The following FBXL7 variants were observed in gnomAD, a reference collection of about 807,000 sequenced individuals.
The protein encoded by FBXL7 is F-box/LRR-repeat protein 7.
A neutral mutation model predicts 38.3 loss-of-function variants in FBXL7; 12 were observed. That is an observed-to-expected ratio of 0.31 (90% CI 0.20 to 0.51). The LOEUF is 0.51. Among genes scored for constraint, FBXL7 ranks in the 20% least tolerant of loss-of-function variants. The probability of loss-of-function intolerance (pLI) is 0.98; values close to 1 mark genes in which losing one functional copy is unlikely to be tolerated. For synonymous variants in FBXL7, 297 were observed against 300.9 expected (o/e 0.99, Z 0.13); for missense variants, 567 against 676.4 (o/e 0.84, Z 1.79).
chr5:15,919,943 G>A (rs1263270773), intron 2 of FBXL7, among the ~76,000 whole-genome samples: 6 of 152,142 alleles, frequency 3.9e-5, no homozygotes, highest in Non-Finnish European at 7.4e-5. Context: ...GGACCATGGT[G>A]CAGAAAGGAG....
At chr5:15,860,219 T>G (rs1250727045) in intron 2 of FBXL7, among the ~76,000 whole-genome samples, 4 of 152,234 alleles carry the variant, frequency 2.6e-5, no homozygotes, top group African/African-American at 9.6e-5. Flanking sequence ...AAAATTTTAT[T>G]CCTTGTACTT....
intron 2 of FBXL7, among the ~76,000 whole-genome samples, chr5:15,843,986 T>A (rs1408032415): frequency 6.6e-6 from 1 of 152,018 alleles, no homozygotes. Flanking sequence ...TAACTACATC[T>A]CTAGAGAAGT....
At chr5:15,906,456 A>C in intron 2 of FBXL7, among the ~76,000 whole-genome samples, 1 of 98,252 alleles carries the variant, frequency 1.0e-5, no homozygotes, top group East Asian at 2.8e-4. Flanking sequence ...TTTTTTTTTT[A>C]TGTAACATGT....
intron 1 of FBXL7, among the ~76,000 whole-genome samples, chr5:15,561,142 A>G (rs1391435492): frequency 6.6e-6 from 1 of 152,194 alleles, no homozygotes; most frequent in Non-Finnish European, 1.5e-5. Context: ...CAATATTATT[A>G]ACTGTAGTCC....
intron 2 of FBXL7, among the ~76,000 whole-genome samples, chr5:15,890,174 G>C (rs1346030389): frequency 6.6e-6 from 1 of 152,114 alleles, no homozygotes; most frequent in African/African-American, 2.4e-5. Flanking sequence ...CCACACAGCA[G>C]GAGGTGAGCA....
chr5:15,738,425 G>C lies in FBXL7; in HGVS notation c.127+122353G>C, dbSNP rs1435371314. 2.0e-5 allele frequency among the ~76,000 whole-genome samples: 3 copies of C among 152,174 alleles called. No individual in the cohort carries two copies. The East Asian group carries it at 5.8e-4, about 29-fold the overall frequency. ...CAGTGGGTGGTTTCCCAGAGGTTGTGATGTGGTATGTTAGCTTTACTGGAA... is the reference window on the plus strand; with the variant it reads ...CAGTGGGTGGTTTCCCAGAGGTTGTCATGTGGTATGTTAGCTTTACTGGAA... On this transcript the variant is annotated intron_variant, in intron 2 of 3. Coordinates refer to ENST00000504595, the MANE Select transcript of FBXL7 (RefSeq NM_012304.5).
chr5:15,806,973 G>A (rs1349915796), intron 2 of FBXL7, among the ~76,000 whole-genome samples: 1 of 151,554 alleles, frequency 6.6e-6, no homozygotes, highest in Non-Finnish European at 1.5e-5. Flanking sequence ...TTTTTGAGAC[G>A]GAGTTTCGCT....
chr5:15,555,961 G>A (rs573381735), intron 1 of FBXL7, among the ~76,000 whole-genome samples: 2 of 145,434 alleles, frequency 1.4e-5, no homozygotes, highest in African/African-American at 5.1e-5. Flanking sequence ...TCATCTATCT[G>A]TCATCTGTCT....
intron 1 of FBXL7, among the ~76,000 whole-genome samples, chr5:15,605,996 A>G (rs1296661843): frequency 6.6e-6 from 1 of 152,186 alleles, no homozygotes; most frequent in African/African-American, 2.4e-5. Flanking sequence ...ATCACATAAT[A>G]CACCTTAAAT....
chr5:15,522,669 C>T (rs1737133118), intron 1 of FBXL7, among the ~76,000 whole-genome samples: 1 of 152,176 alleles, frequency 6.6e-6, no homozygotes, highest in Admixed American at 6.5e-5. Flanking sequence ...TCAACAAAAG[C>T]AATCTGCTGA....
In FBXL7 at chr5:15,740,325, A is replaced by G. The variant is rs141152589; in HGVS notation, c.127+124253A>G. Among the ~76,000 whole-genome samples the G allele has an allele frequency of 6.4e-3, 981 of 152,294 alleles. 11 individuals carry two copies. The highest frequency in any genetic ancestry group is 0.022 in the African/African-American group (926 of 41,562). On this transcript the variant is annotated intron_variant, in intron 2 of 3. Coordinates refer to ENST00000504595, the MANE Select transcript of FBXL7 (RefSeq NM_012304.5). ...GGTTTCCCCCACTTCCTTTCCTGCA[A>G]GTTATGGATGGTGGGGTCTGCCCTT...
At chr5:15,687,901 G>A (rs1743064204) in intron 2 of FBXL7, among the ~76,000 whole-genome samples, 1 of 152,190 alleles carries the variant, frequency 6.6e-6, no homozygotes, top group Non-Finnish European at 1.5e-5. Context: ...AAGAATTGGA[G>A]CTTTTCGAGG....
intron 2 of FBXL7, among the ~76,000 whole-genome samples, chr5:15,741,339 C>T (rs1255175765): frequency 6.6e-6 from 1 of 152,134 alleles, no homozygotes; most frequent in Non-Finnish European, 1.5e-5. Flanking sequence ...AGATCTACTT[C>T]CGTTGGTGAT....
intron 1 of FBXL7, among the ~76,000 whole-genome samples, chr5:15,575,083 C>T (rs1454499277): frequency 6.6e-6 from 1 of 152,070 alleles, no homozygotes; most frequent in Non-Finnish European, 1.5e-5. Flanking sequence ...GAGTAGAAGT[C>T]AGGGATGATG....
chr5:15,848,930 A>G (rs1739010862), intron 2 of FBXL7, among the ~76,000 whole-genome samples: 1 of 152,196 alleles, frequency 6.6e-6, no homozygotes, highest in East Asian at 1.9e-4. Context: ...ATGTTTTCAA[A>G]TGCTATAGTC....
intron 1 of FBXL7, among the ~76,000 whole-genome samples, chr5:15,514,959 C>G (rs1297983295): frequency 1.3e-5 from 2 of 152,174 alleles, no homozygotes; most frequent in South Asian, 4.1e-4. Context: ...ACATCATAGA[C>G]CACCTTCTCT....
chr5:15,642,716 A>G (rs1741407319), intron 2 of FBXL7, among the ~76,000 whole-genome samples: 1 of 152,200 alleles, frequency 6.6e-6, no homozygotes, highest in African/African-American at 2.4e-5. Flanking sequence ...ACAGACCTAG[A>G]TAGGCCAACG....
intron 2 of FBXL7, among the ~76,000 whole-genome samples, chr5:15,754,974 A>G (rs1304645285): frequency 6.6e-6 from 1 of 152,166 alleles, no homozygotes; most frequent in Non-Finnish European, 1.5e-5. Flanking sequence ...GATTGGAACT[A>G]TTTTTAGTTG....
intron 2 of FBXL7, among the ~76,000 whole-genome samples, chr5:15,661,385 TTG>T (rs1742063068): frequency 7.5e-6 from 1 of 133,758 alleles, no homozygotes; most frequent in African/African-American, 2.8e-5. Flanking sequence ...AAGTTGTATC[TTG>T]TTTTTTTTGC....
Sources: gnomAD v4.1 joint callset for allele counts (sites outside exome capture counted in the v4.1 genomes callset) on GRCh38, gnomAD v4.1.1 for gene constraint, MANE v1.5 for transcripts, NCBI Gene and HGNC (gene_info 2026-07-23, HGNC 2026-07-21) for gene names.